The following ARHGAP26 variants were observed in gnomAD, a reference collection of about 807,000 sequenced individuals.
The protein encoded by ARHGAP26 is Rho GTPase activating protein 26, also known as rho GTPase-activating protein 26.
In ARHGAP26, 38 loss-of-function variants were observed where a neutral mutation model predicts 104.8. The ratio of observed to expected loss-of-function variants is 0.36; its 90% confidence interval spans 0.28 to 0.48. The LOEUF (loss-of-function observed/expected upper bound fraction) is 0.48, where lower values mean the gene tolerates loss of function less well. Among genes scored for constraint, ARHGAP26 ranks in the 20% least tolerant of loss-of-function variants. The pLI is 0.99. For missense variants in ARHGAP26, 704 were observed against 947.9 expected, an observed-to-expected ratio of 0.74 and a Z score of 3.38; for synonymous variants, 341 against 340.0, an observed-to-expected ratio of 1.00 and a Z score of -0.03.
chr5:142,879,547 C>G (rs184602803), intron 4 of ARHGAP26, 102 bp downstream of exon 4: 4 of 1,061,136 alleles, frequency 3.8e-6, no homozygotes, highest in Admixed American at 5.5e-5. Context: ...TTCAGAAAAT[C>G]GAAGCCCACC....
chr5:143,030,617 G>A (rs927828355), intron 12 of ARHGAP26, among the ~76,000 whole-genome samples: 8 of 152,172 alleles, frequency 5.3e-5, no homozygotes, highest in African/African-American at 1.9e-4. Context: ...AAATGAGAAA[G>A]TGGAGGACCA....
chr5:142,798,797 T>C (rs1280069423), intron 1 of ARHGAP26, among the ~76,000 whole-genome samples: 1 of 152,192 alleles, frequency 6.6e-6, no homozygotes, highest in Non-Finnish European at 1.5e-5. Context: ...GTCTTGTCAT[T>C]TTATAAATGC....
At chr5:142,828,643 C>T (rs1463025424) in intron 1 of ARHGAP26, among the ~76,000 whole-genome samples, 3 of 152,154 alleles carry the variant, frequency 2.0e-5, no homozygotes, top group Admixed American at 2.0e-4. Context: ...AGGTTTTGCC[C>T]CCATGAGGCA....
intron 5 of ARHGAP26, among the ~76,000 whole-genome samples, chr5:142,885,763 C>A (rs933369981): frequency 6.6e-6 from 1 of 152,164 alleles, no homozygotes; most frequent in Admixed American, 6.5e-5. Flanking sequence ...TGACTTCCTG[C>A]CTCTTATCAG....
intron 18 of ARHGAP26, among the ~76,000 whole-genome samples, chr5:143,126,627 A>G (rs1796758330): frequency 6.6e-6 from 1 of 152,150 alleles, no homozygotes; most frequent in South Asian, 2.1e-4. Flanking sequence ...AGAGATTCTT[A>G]ATTTGTTTCT....
chr5:143,020,932 A>G (rs1386855036), intron 12 of ARHGAP26, among the ~76,000 whole-genome samples: 1 of 152,086 alleles, frequency 6.6e-6, no homozygotes, highest in Non-Finnish European at 1.5e-5. Flanking sequence ...GAGCCACTGC[A>G]CCTGGCCTAA....
At chr5:143,109,253 CA>C (rs1794466627) in intron 17 of ARHGAP26, among the ~76,000 whole-genome samples, 1 of 152,136 alleles carries the variant, frequency 6.6e-6, no homozygotes, top group Non-Finnish European at 1.5e-5. Context: ...GTCTCCAGCA[CA>C]ATGACCAAGA....
At chr5:142,904,680 A>G (rs1163446012) in intron 8 of ARHGAP26, among the ~76,000 whole-genome samples, 1 of 152,136 alleles carries the variant, frequency 6.6e-6, no homozygotes, top group Non-Finnish European at 1.5e-5. Flanking sequence ...GCCGTTTAGG[A>G]TAGCACATTC....
At chr5:142,957,809 A>G (rs1769506702) in intron 11 of ARHGAP26, among the ~76,000 whole-genome samples, 1 of 152,266 alleles carries the variant, frequency 6.6e-6, no homozygotes, top group African/African-American at 2.4e-5. Flanking sequence ...CTATCAAAAC[A>G]CTGCAAACAG....
intron 11 of ARHGAP26, among the ~76,000 whole-genome samples, chr5:142,956,135 C>T (rs948928343): frequency 6.6e-6 from 1 of 152,294 alleles, no homozygotes; most frequent in South Asian, 2.1e-4. Flanking sequence ...ATCTGAGTCC[C>T]TGAAGTTATG....
At chr5:143,209,633 T>C (rs1054557015) in intron 21 of ARHGAP26, among the ~76,000 whole-genome samples, 2 of 151,916 alleles carry the variant, frequency 1.3e-5, no homozygotes, top group African/African-American at 2.4e-5. Context: ...ATACAAAAAT[T>C]AGCCAGGCAT....
intron 17 of ARHGAP26, among the ~76,000 whole-genome samples, chr5:143,060,850 A>G (rs1027863231): frequency 6.6e-6 from 1 of 152,150 alleles, no homozygotes; most frequent in Non-Finnish European, 1.5e-5. Flanking sequence ...GCCATATGCA[A>G]GGATTTTCTA....
intron 3 of ARHGAP26, among the ~76,000 whole-genome samples, chr5:142,875,707 C>A (rs1444119165): frequency 6.6e-6 from 1 of 152,188 alleles, no homozygotes; most frequent in East Asian, 1.9e-4. Context: ...AAATGCTGAT[C>A]TCCAGGTTCT....
chr5:143,221,406 A>G (rs956603960), intron 22 of ARHGAP26, among the ~76,000 whole-genome samples: 6 of 143,490 alleles, frequency 4.2e-5, no homozygotes, highest in African/African-American at 1.3e-4. Context: ...TTCAAAGGCT[A>G]TTCAAAATGA....
At chr5:143,016,958 C>T (rs1352132391) in intron 12 of ARHGAP26, among the ~76,000 whole-genome samples, 1 of 152,172 alleles carries the variant, frequency 6.6e-6, no homozygotes, top group Admixed American at 6.6e-5. Flanking sequence ...TAAGGCTCAT[C>T]TACCACAGGT....
chr5:142,925,124 C>T (rs531225295), intron 10 of ARHGAP26, among the ~76,000 whole-genome samples: 1 of 152,254 alleles, frequency 6.6e-6, no homozygotes, highest in African/African-American at 2.4e-5. Context: ...CATGCCTTCC[C>T]GCATGCCAGC....
chr5:142,913,481 T>C (rs1000657329), intron 10 of ARHGAP26, among the ~76,000 whole-genome samples, 188 bp downstream of exon 10: 5 of 151,616 alleles, frequency 3.3e-5, no homozygotes, highest in African/African-American at 1.2e-4. Flanking sequence ...GGATCCAGGC[T>C]ATTGCTGATT....
intron 19 of ARHGAP26, among the ~76,000 whole-genome samples, chr5:143,135,793 T>C (rs1562488205): frequency 1.3e-5 from 2 of 152,276 alleles, no homozygotes; most frequent in Non-Finnish European, 1.5e-5. Context: ...TCAACAGATA[T>C]ACAACGTTTC....
In ARHGAP26 at chr5:143,099,191, C is replaced by G. The variant is rs1331799054; in HGVS notation, c.1539-21797C>G. On this transcript the variant is annotated intron_variant, in intron 17 of 22. Coordinates refer to ENST00000645722, the MANE Select transcript of ARHGAP26 (RefSeq NM_001135608.3). ...TAACTTAGTTTGATATCTATCTTTG[C>G]AGAAGCTGAGTCTTCATTCATAGTA... Among the ~76,000 whole-genome samples the G allele has an allele frequency of 2.0e-5, 3 of 152,284 alleles. No homozygotes were observed. The South Asian group carries it at 6.2e-4, about 32-fold the overall frequency.
Sources: gnomAD v4.1 joint callset for allele counts (sites outside exome capture counted in the v4.1 genomes callset) on GRCh38, gnomAD v4.1.1 for gene constraint, MANE v1.5 for transcripts, NCBI Gene and HGNC (gene_info 2026-07-23, HGNC 2026-07-21) for gene names.